Variants in VWDE observed in about 807,000 individuals in gnomAD.
The protein encoded by VWDE is von Willebrand factor D and EGF domains.
Under a neutral mutation model 178.4 loss-of-function variants are expected in VWDE, and 207 were observed. The ratio of observed to expected loss-of-function variants is 1.16; its 90% CI spans 1.04 to 1.30. VWDE has a LOEUF of 1.30. Among genes scored for constraint, VWDE ranks in the 50% most tolerant of loss-of-function variants. The pLI is 0.00. For missense variants in VWDE, 2,287 were observed against 1,901.3 expected (o/e 1.20, Z -3.77); for synonymous variants, 738 against 651.4 (o/e 1.13, Z -2.02).
In VWDE at chr7:12,369,748, G is replaced by A; in HGVS notation, c.2558C>T (p.Ala853Val). The change falls in exon 12 of 29, where the codon GCA becomes GTA. Residue 853 changes from alanine (A) to valine (V), a missense_variant. Ala to Val is a moderately conservative substitution (Grantham distance 64, BLOSUM62 0). Coordinates refer to ENST00000275358, the MANE Select transcript of VWDE (RefSeq NM_001135924.3). ...LLKDDLSWAE[A>V]GVALLENECE... is the part of the protein sequence containing the mutation. The stretch of plus-strand genomic sequence containing the variant: ...TTCATTTTCTAAAAGGGCCACACCT[G>A]CTTCTGCCCAACTAAGATCATCTTT... 6.4e-7 allele frequency: 1 copy of A among 1,551,484 alleles called. No homozygotes were observed. Among genetic ancestry groups the A allele is most frequent in the Non-Finnish European group, 8.7e-7 (1 of 1,146,870 alleles).
chr7:12,384,425 A>C (rs1196768735), intron 3 of VWDE, among the ~76,000 whole-genome samples: 1 of 152,102 alleles, frequency 6.6e-6, no homozygotes, highest in Non-Finnish European at 1.5e-5. Flanking sequence ...CATAGTGGAT[A>C]CACGTTATGA....
In VWDE at chr7:12,377,763, G is replaced by T; in HGVS notation, c.1024+13C>A. ...CAATCTAATAATAAGATAAAATAAA[G>T]TTAGTATATTACCTTGACCAATAGT... is the stretch of plus-strand genomic sequence containing the variant. On this transcript the variant is annotated intron_variant, in intron 7 of 28. Transcript: ENST00000275358. 7.1e-7 allele frequency: 1 copy of T among 1,410,100 alleles called. No homozygotes were observed. Among genetic ancestry groups the T allele is most frequent in the Non-Finnish European group, 9.4e-7 (1 of 1,061,378 alleles). 87.3% of individuals were successfully genotyped at this position (1,410,100 alleles called of 1,614,324 possible). A position where few individuals can be genotyped will look rare whatever the true frequency, so the allele number is the denominator to read the frequency against.
At chr7:12,351,424 A>G (rs760129178) in intron 19 of VWDE, 149 bp downstream of exon 19, 59 of 793,764 alleles carry the variant, frequency 7.4e-5, no homozygotes, top group Non-Finnish European at 9.6e-5. Context: ...TAGATTAGCA[A>G]GAGAAAGGAT....
chr7:12,401,287 T>C (rs921160904), intron 1 of VWDE, among the ~76,000 whole-genome samples: 1 of 152,128 alleles, frequency 6.6e-6, no homozygotes, highest in Non-Finnish European at 1.5e-5. Context: ...CATCTCCATA[T>C]AGAAAATTCT....
chr7:12,395,936 G>A (rs1358145750), intron 1 of VWDE, among the ~76,000 whole-genome samples: 3 of 152,058 alleles, frequency 2.0e-5, no homozygotes, highest in African/African-American at 7.2e-5. Flanking sequence ...TTCATAGCAT[G>A]ATATACAGAG....
At chr7:12,337,607 C>T (rs145448579) in intron 24 of VWDE, among the ~76,000 whole-genome samples, 34 of 152,176 alleles carry the variant, frequency 2.2e-4, no homozygotes, top group African/African-American at 7.7e-4. Flanking sequence ...TAAGTCAAAA[C>T]GTAGCTCAAA....
chr7:12,343,300 T>C (rs1320390021), intron 21 of VWDE, 122 bp from the exon 22 acceptor site: 1 of 606,066 alleles, frequency 1.6e-6, no homozygotes, highest in Non-Finnish European at 2.7e-6. Context: ...TTAAGCTCTC[T>C]TTTACTACAA....
In VWDE at chr7:12,369,702, C is replaced by T. The variant is rs752412843; in HGVS notation, c.2604G>A (p.Glu868=). 6.4e-7 allele frequency: 1 copy of T among 1,551,622 alleles called. No individual in the cohort carries two copies. The highest frequency in any genetic ancestry group is 1.2e-5 in the South Asian group (1 of 84,056). The change falls in exon 12 of 29, where the codon GAG becomes GAA. Residue 868 remains glutamate, a synonymous_variant. Transcript: ENST00000275358. The stretch of plus-strand genomic sequence containing the variant: ...ACTCTTCTGTGTTATATTTCCCCTC[C>T]TCCACAATCCTCTTTTCACATTCAT... The part of the protein sequence containing the change: ...LENECEKRIV[E]EGKYNTEEYG...
At chr7:12,335,535 A>G (rs1780972649) in intron 27 of VWDE, among the ~76,000 whole-genome samples, 1 of 151,894 alleles carries the variant, frequency 6.6e-6, no homozygotes, top group South Asian at 2.1e-4. Flanking sequence ...TGCTCACTGC[A>G]AGCTCTGCCT....
chr7:12,394,217 A>T (rs925774203), intron 1 of VWDE, among the ~76,000 whole-genome samples: 4 of 152,148 alleles, frequency 2.6e-5, no homozygotes, highest in Non-Finnish European at 5.9e-5. Context: ...CTGCCAAATC[A>T]TGGAATGCAA....
chr7:12,351,667 G>A lies in VWDE; in HGVS notation c.3792C>T (p.Leu1264=). The A allele has an allele frequency of 6.5e-7, 1 of 1,549,482 alleles. No homozygotes were observed. The highest frequency in any genetic ancestry group is 8.7e-7 in the Non-Finnish European group (1 of 1,146,098). ...VNQFTTQTVV[L]TRSDKSVNKE... ...TATTTACACTTTTATCAGATCTTGT[G>A]AGAACCACAGTTTGTGTAGTAAATT... Residue 1264 remains leucine (L), a synonymous_variant, in exon 19 of 29, where the codon CTC becomes CTT. Coordinates refer to ENST00000275358, the MANE Select transcript of VWDE (RefSeq NM_001135924.3).
chr7:12,334,748 A>G (rs1384605706), intron 27 of VWDE, among the ~76,000 whole-genome samples: 2 of 152,214 alleles, frequency 1.3e-5, no homozygotes, highest in Non-Finnish European at 2.9e-5. Context: ...GACAACCTCA[A>G]TCTGCAACCA....
chr7:12,393,318 A>C (rs1162776064), intron 2 of VWDE, among the ~76,000 whole-genome samples: 46 of 152,176 alleles, frequency 3.0e-4, no homozygotes. Context: ...TGTTTTCTGC[A>C]CTGTTTGATG....
intron 24 of VWDE, 110 bp from the exon 25 acceptor site, chr7:12,337,382 C>G (rs562338184): frequency 1.1e-6 from 1 of 932,858 alleles, no homozygotes; most frequent in Non-Finnish European, 1.7e-6. Context: ...GAGAAATGTG[C>G]TATTAAAATA....
chr7:12,369,757 C>A lies in VWDE; in HGVS notation c.2549G>T (p.Trp850Leu), dbSNP rs1188836530. The A allele has an allele frequency of 6.4e-7, 1 of 1,551,558 alleles. No individual in the cohort carries two copies. The highest frequency in any genetic ancestry group is 1.2e-5 in the South Asian group (1 of 84,062). The change falls in exon 12 of 29, where the codon TGG becomes TTG. Residue 850 changes from tryptophan (W) to leucine (L), a missense_variant. Coordinates refer to ENST00000275358, the MANE Select transcript of VWDE (RefSeq NM_001135924.3). ...KDVLLKDDLS[W>L]AEAGVALLEN... The stretch of plus-strand genomic sequence containing the variant: ...TAAAAGGGCCACACCTGCTTCTGCC[C>A]AACTAAGATCATCTTTTAACAGAAC...
At chr7:12,357,165 T>A in intron 17 of VWDE, 100 bp downstream of exon 17, 1 of 1,390,952 alleles carries the variant, frequency 7.2e-7, no homozygotes, top group South Asian at 1.5e-5. Context: ...ATAACTTTGT[T>A]GCTCTTTACA....
At chr7:12,366,630 A>G (rs1782873141) in intron 13 of VWDE, among the ~76,000 whole-genome samples, 1 of 152,074 alleles carries the variant, frequency 6.6e-6, no homozygotes, top group Non-Finnish European at 1.5e-5. Context: ...ATACAAACCT[A>G]TTTCCTCCTG....
Position 12,369,652 on chromosome 7 carries a change from A to T in VWDE, c.2654T>A (p.Leu885His). 6.4e-7 allele frequency: 1 copy of T among 1,551,628 alleles called. No individual in the cohort carries two copies. The highest frequency in any genetic ancestry group is 8.7e-7 in the Non-Finnish European group (1 of 1,146,868). ...TAAATTGGGGCATTTTAATACTGAGAGAATGTCTTCAATTGATGTGCCATA... is the reference window on the plus strand; with the variant it reads ...TAAATTGGGGCATTTTAATACTGAGTGAATGTCTTCAATTGATGTGCCATA... ...EEYGTSIEDI[L>H]SVLKCPNLCS... Residue 885 changes from leucine to histidine, a missense_variant, in exon 12 of 29, where the codon CTC becomes CAC. Transcript: ENST00000275358.
intron 19 of VWDE, among the ~76,000 whole-genome samples, chr7:12,345,341 A>T (rs1781546699): frequency 6.6e-6 from 1 of 152,152 alleles, no homozygotes; most frequent in African/African-American, 2.4e-5. Flanking sequence ...TTAATAACTT[A>T]AACTTGAATT....
Sources: allele counts gnomAD v4.1 joint callset (sites outside exome capture counted in the v4.1 genomes callset), GRCh38; gene constraint gnomAD v4.1.1; transcripts MANE v1.5; gene names NCBI Gene and HGNC (gene_info 2026-07-23, HGNC 2026-07-21).